RABGAP1L: variants seen among roughly 807,000 people sequenced by gnomAD.
RABGAP1L encodes rab GTPase-activating protein 1-like.
A neutral mutation model predicts 137.7 loss-of-function variants in RABGAP1L; 63 were observed. That is an observed-to-expected ratio of 0.46 (90% confidence interval 0.37 to 0.56). The LOEUF (loss-of-function observed/expected upper bound fraction) is 0.56, where lower values mean the gene tolerates loss of function less well. RABGAP1L is among the 20% of genes least tolerant of loss of function. RABGAP1L has a pLI of 0.00. For synonymous variants in RABGAP1L, 431 were observed against 433.7 expected, an observed-to-expected ratio of 0.99 and a Z score of 0.08; for missense variants, 1,095 against 1,244.0, an observed-to-expected ratio of 0.88 and a Z score of 1.80.
At chr1:174,242,968 G>C (rs1366948896) in intron 5 of RABGAP1L, 1 of 152,108 alleles carries the variant, frequency 6.6e-6, no homozygotes, top group Non-Finnish European at 1.5e-5. Context: ...TGATCCTTAC[G>C]AACTCCACTA....
intron 13 of RABGAP1L, among the ~76,000 whole-genome samples, chr1:174,603,192 A>G (rs1056949111): frequency 6.6e-6 from 1 of 152,192 alleles, no homozygotes; most frequent in African/African-American, 2.4e-5. Context: ...CAGTAACACT[A>G]TGACTCTTGC....
intron 5 of RABGAP1L, chr1:174,245,131 G>A (rs1470558062): frequency 1.3e-5 from 2 of 152,256 alleles, no homozygotes; most frequent in African/African-American, 4.8e-5. Flanking sequence ...GGAGTGCAAT[G>A]GCGTGATCTC....
At chr1:174,224,875 G>T (rs987620430) in intron 3 of RABGAP1L, among the ~76,000 whole-genome samples, 3 of 151,662 alleles carry the variant, frequency 2.0e-5, no homozygotes, top group African/African-American at 4.8e-5. Flanking sequence ...TTTGCTTTCA[G>T]TACTTTTATT....
intron 12 of RABGAP1L, among the ~76,000 whole-genome samples, chr1:174,376,144 G>T (rs1193635855): frequency 4.0e-5 from 6 of 149,028 alleles, no homozygotes; most frequent in African/African-American, 1.2e-4. Flanking sequence ...GAGAAAGAGA[G>T]AAGGAAGGAG....
intron 10 of RABGAP1L, among the ~76,000 whole-genome samples, chr1:174,288,314 TTA>T (rs1676255533): frequency 6.6e-6 from 1 of 152,234 alleles, no homozygotes; most frequent in African/African-American, 2.4e-5. Context: ...TTTTATACAT[TTA>T]TATGTTTTTA....
chr1:174,457,065 C>T (rs570394784), intron 13 of RABGAP1L, among the ~76,000 whole-genome samples: 1 of 152,158 alleles, frequency 6.6e-6, no homozygotes, highest in East Asian at 1.9e-4. Context: ...AAATTAATTT[C>T]TAGAATTTGA....
At chr1:174,338,737 G>T (rs1263275968) in intron 11 of RABGAP1L, among the ~76,000 whole-genome samples, 1 of 151,882 alleles carries the variant, frequency 6.6e-6, no homozygotes, top group Admixed American at 6.6e-5. Flanking sequence ...CTTTGGAAAA[G>T]TGTAATATTG....
chr1:174,810,404 T>C (rs1199156849), intron 18 of RABGAP1L, among the ~76,000 whole-genome samples: 1 of 152,200 alleles, frequency 6.6e-6, no homozygotes, highest in Non-Finnish European at 1.5e-5. Context: ...AAGATGTTGC[T>C]AGGATTGGAC....
intron 18 of RABGAP1L, among the ~76,000 whole-genome samples, chr1:174,769,254 G>C (rs550878041): frequency 6.6e-6 from 1 of 152,090 alleles, no homozygotes; most frequent in Non-Finnish European, 1.5e-5. Flanking sequence ...GCTGCTGATT[G>C]GTTGGGGGCA....
chr1:174,564,892 T>C (rs953879338), intron 13 of RABGAP1L, among the ~76,000 whole-genome samples: 1 of 152,182 alleles, frequency 6.6e-6, no homozygotes, highest in African/African-American at 2.4e-5. Flanking sequence ...GGATTAGCTG[T>C]CTTCTAGTTC....
intron 17 of RABGAP1L, among the ~76,000 whole-genome samples, chr1:174,729,869 T>G (rs1031789782): frequency 6.6e-6 from 1 of 152,208 alleles, no homozygotes; most frequent in African/African-American, 2.4e-5. Flanking sequence ...ACACTGTTGG[T>G]GGGAATGTAA....
intron 10 of RABGAP1L, 147 bp downstream of exon 10, chr1:174,278,926 T>G: frequency 1.4e-6 from 1 of 712,870 alleles, no homozygotes; most frequent in Non-Finnish European, 2.0e-6. Context: ...CAATAGAGTG[T>G]TTGAAAAAGT....
intron 19 of RABGAP1L, among the ~76,000 whole-genome samples, chr1:174,866,614 A>C (rs1254954670): frequency 1.3e-5 from 2 of 152,138 alleles, no homozygotes; most frequent in Non-Finnish European, 2.9e-5. Flanking sequence ...TGCCTTATAT[A>C]ATAAATACTA....
At chr1:174,179,415 A>G (rs1468789633) in intron 1 of RABGAP1L, among the ~76,000 whole-genome samples, 1 of 152,208 alleles carries the variant, frequency 6.6e-6, no homozygotes, top group South Asian at 2.1e-4. Context: ...TCTGAAAACT[A>G]TTATACTTTG....
In RABGAP1L at chr1:174,239,916, A is replaced by G. The variant is rs78486469; in HGVS notation, c.543-1567A>G. Among the ~76,000 whole-genome samples, 453 of 152,374 alleles carry G rather than the reference A, an allele frequency of 3.0e-3. 2 individuals carry two copies. The highest frequency in any genetic ancestry group is 5.6e-3 in the African/African-American group (232 of 41,594). ...CTTTTGCTAAATTCCAAGTACCAAAATATTGGCAATATAAATTTAGAAAAT... is the reference window on the plus strand; with the variant it reads ...CTTTTGCTAAATTCCAAGTACCAAAGTATTGGCAATATAAATTTAGAAAAT... On this transcript the variant is annotated intron_variant, in intron 4 of 25. Transcript: ENST00000681986.
intron 19 of RABGAP1L, among the ~76,000 whole-genome samples, chr1:174,909,029 A>G (rs1659605808): frequency 1.3e-5 from 2 of 148,408 alleles, no homozygotes; most frequent in African/African-American, 5.0e-5. Flanking sequence ...AAAAAAAACC[A>G]TTAACCAGGT....
chr1:174,421,088 G>T (rs1651232814), intron 13 of RABGAP1L, among the ~76,000 whole-genome samples: 3 of 152,172 alleles, frequency 2.0e-5, no homozygotes. Context: ...ATAATGATGT[G>T]AATGTGTTTC....
chr1:174,348,973 GCACAC>G (rs1190903028), intron 11 of RABGAP1L, among the ~76,000 whole-genome samples: 1 of 151,672 alleles, frequency 6.6e-6, no homozygotes, highest in Non-Finnish European at 1.5e-5. Context: ...GAGCTGTTGG[GCACAC>G]CTCCCAGACG....
intron 13 of RABGAP1L, among the ~76,000 whole-genome samples, chr1:174,440,706 C>T (rs947359393): frequency 2.6e-5 from 4 of 152,102 alleles, no homozygotes; most frequent in African/African-American, 9.7e-5. Flanking sequence ...CAGGCGTGCA[C>T]CACCATGCCT....
Sources: allele counts gnomAD v4.1 joint callset (sites outside exome capture counted in the v4.1 genomes callset), GRCh38; gene constraint gnomAD v4.1.1; transcripts MANE v1.5; gene names NCBI Gene and HGNC (gene_info 2026-07-23, HGNC 2026-07-21).